TMEM108: variants seen among roughly 807,000 people sequenced by gnomAD.
TMEM108 encodes cancer/testis antigen 124.
Under a neutral mutation model 35.1 loss-of-function variants are expected in TMEM108, and 12 were observed. That is an observed-to-expected ratio of 0.34 (90% CI 0.22 to 0.55). The LOEUF (loss-of-function observed/expected upper bound fraction) is 0.55. Among genes scored for constraint, TMEM108 ranks in the 20% least tolerant of loss-of-function variants. The pLI is 0.89. For missense variants in TMEM108, 680 were observed against 753.3 expected (o/e 0.90, Z 1.14); for synonymous variants, 287 against 308.6 (o/e 0.93, Z 0.73).
intron 2 of TMEM108, among the ~76,000 whole-genome samples, chr3:133,123,641 G>A (rs1432905720): frequency 2.0e-5 from 3 of 152,130 alleles, no homozygotes; most frequent in Non-Finnish European, 4.4e-5. Flanking sequence ...ATAGGAAATG[G>A]CAATAAAAAA....
intron 2 of TMEM108, among the ~76,000 whole-genome samples, chr3:133,145,575 T>C (rs1944707249): frequency 6.6e-6 from 1 of 152,210 alleles, no homozygotes; most frequent in Non-Finnish European, 1.5e-5. Flanking sequence ...ATTTTCACGA[T>C]ATTGATTCTT....
At chr3:133,061,250 C>T (rs1299464532) in intron 2 of TMEM108, among the ~76,000 whole-genome samples, 64 of 142,256 alleles carry the variant, frequency 4.5e-4, no homozygotes, top group African/African-American at 1.5e-3. Flanking sequence ...CTCACTCTGT[C>T]GCCCAGGCTG....
At chr3:133,159,359 C>G (rs1352606214) in intron 2 of TMEM108, among the ~76,000 whole-genome samples, 7 of 152,182 alleles carry the variant, frequency 4.6e-5, no homozygotes, top group Admixed American at 2.0e-4. Flanking sequence ...ATTAATACAT[C>G]TGTCATCTGT....
intron 2 of TMEM108, among the ~76,000 whole-genome samples, chr3:133,068,908 T>A (rs1292894141): frequency 1.3e-5 from 2 of 152,096 alleles, no homozygotes; most frequent in African/African-American, 4.8e-5. Context: ...AAAGGCTTCC[T>A]GGGGCAGCTG....
At chr3:133,167,469 C>T (rs570273876) in intron 2 of TMEM108, among the ~76,000 whole-genome samples, 13 of 152,370 alleles carry the variant, frequency 8.5e-5, no homozygotes, top group Admixed American at 4.6e-4. Context: ...CAGGGAAGCT[C>T]GGGCCGTGCA....
intron 2 of TMEM108, among the ~76,000 whole-genome samples, chr3:133,224,977 C>T (rs1158192201): frequency 1.3e-5 from 2 of 151,888 alleles, no homozygotes; most frequent in Admixed American, 1.3e-4. Flanking sequence ...TCCTCAGCCT[C>T]TCTAATTTCT....
intron 2 of TMEM108, among the ~76,000 whole-genome samples, chr3:133,109,548 G>A (rs1327764727): frequency 6.6e-6 from 1 of 152,152 alleles, no homozygotes; most frequent in Admixed American, 6.5e-5. Context: ...AAAGAGAATA[G>A]GGCAAACGTT....
rs552824190 is a variant in TMEM108, at chr3:133,380,128, C to T, written c.417C>T (p.Pro139=). 6.2e-7 allele frequency: 1 copy of T among 1,613,870 alleles called. No individual in the cohort carries two copies. Among genetic ancestry groups the T allele is most frequent in the East Asian group, 2.2e-5 (1 of 44,872 alleles). ...GCCGCCCTCGAGGGCAGGCTGCCCC[C>T]ACCATCCTGCTGACAAAGCCACCGG... ...PEGRPRGQAA[P]TILLTKPPGA... is the part of the protein sequence containing the mutation. The change falls in exon 4 of 6, where the codon CCC becomes CCT. Residue 139 remains proline, a synonymous_variant. Coordinates refer to ENST00000321871, the MANE Select transcript of TMEM108 (RefSeq NM_023943.4). This position sits in a 1 kb window ranked among gnomAD's most constrained non-coding sequence, Gnocchi z 5.3.
At chr3:133,050,472 G>A (rs1943390649) in intron 2 of TMEM108, among the ~76,000 whole-genome samples, 1 of 151,978 alleles carries the variant, frequency 6.6e-6, no homozygotes, top group African/African-American at 2.4e-5. Flanking sequence ...CCACCAGAAT[G>A]GCACATTTGT....
At chr3:133,234,483 G>T (rs1946203544) in intron 3 of TMEM108, among the ~76,000 whole-genome samples, 1 of 152,134 alleles carries the variant, frequency 6.6e-6, no homozygotes, top group African/African-American at 2.4e-5. Context: ...CATATAAACA[G>T]AACCAAAGAC....
At chr3:133,300,967 GAC>G (rs919181084) in intron 3 of TMEM108, among the ~76,000 whole-genome samples, 7 of 110,358 alleles carry the variant, frequency 6.3e-5, no homozygotes, top group African/African-American at 2.3e-4. Context: ...AATTAATACA[GAC>G]CCCAGTACAC....
At chr3:133,224,211 C>T (rs988730594) in intron 2 of TMEM108, among the ~76,000 whole-genome samples, 6 of 152,216 alleles carry the variant, frequency 3.9e-5, no homozygotes, top group Middle Eastern at 3.4e-3. Context: ...ACATTCTAAA[C>T]GCTCCATAGA....
chr3:133,243,583 C>T (rs899005297), intron 3 of TMEM108, among the ~76,000 whole-genome samples: 3 of 151,886 alleles, frequency 2.0e-5, no homozygotes, highest in Non-Finnish European at 2.9e-5. Flanking sequence ...TAGAGTGGCG[C>T]GATCTCGGCT....
intron 2 of TMEM108, among the ~76,000 whole-genome samples, chr3:133,226,146 G>A (rs1946067423): frequency 6.6e-6 from 1 of 152,146 alleles, no homozygotes; most frequent in Admixed American, 6.5e-5. Flanking sequence ...TTGAAGACCT[G>A]GAATCAATAG....
intron 4 of TMEM108, among the ~76,000 whole-genome samples, chr3:133,381,914 T>G (rs149876133): frequency 2.4e-4 from 36 of 152,156 alleles, no homozygotes; most frequent in African/African-American, 8.4e-4. Context: ...ATTGTGGACC[T>G]TGTCCTTAGT....
rs1166507683 is a variant in TMEM108, at chr3:133,397,673, CAT to C, written c.*1690_*1691del. The stretch of plus-strand genomic sequence containing the variant: ...TATATAATATATGTAATCAAAGATA[CAT>C]ATGTTATATATACATATGTGGATGT... On this transcript the variant is annotated 3_prime_UTR_variant, in exon 6 of 6. Coordinates refer to ENST00000321871, the MANE Select transcript of TMEM108 (RefSeq NM_023943.4). 2.6e-5 allele frequency: 4 copies of C among 152,076 alleles called. No individual in the cohort carries two copies. The highest frequency in any genetic ancestry group is 7.2e-5 in the African/African-American group (3 of 41,424). The allele number at this position is 152,076 out of a possible 1,614,324, so 9.4% of individuals were successfully genotyped here. A position where few individuals can be genotyped will look rare whatever the true frequency, so the allele number is the denominator to read the frequency against.
Position 133,396,328 on chromosome 3 carries a change from G to GGT in TMEM108, c.*342_*343insGT, listed in dbSNP as rs3054642. 0.94 allele frequency: 145,012 copies of GGT among 153,598 alleles called. 68,725 individuals carry two copies. The highest frequency in any genetic ancestry group is 0.99 in the East Asian group (5,233 of 5,264). 9.5% of individuals were successfully genotyped at this position (153,598 alleles called of 1,614,324 possible). A position where few individuals can be genotyped will look rare whatever the true frequency, so the allele number is the denominator to read the frequency against. ...TCCTGTAGAAGCTGAATGTTACAGT[G>GGT]CAAGCGCACGATTCTTTGAGTGATT... On this transcript the variant is annotated 3_prime_UTR_variant, in exon 6 of 6. Coordinates refer to ENST00000321871, the MANE Select transcript of TMEM108 (RefSeq NM_023943.4).
At chr3:133,351,691 A>G (rs1318276386) in intron 3 of TMEM108, among the ~76,000 whole-genome samples, 2 of 152,196 alleles carry the variant, frequency 1.3e-5, no homozygotes, top group African/African-American at 2.4e-5. Context: ...AGAAGTCTTC[A>G]TAAGCCTCTA....
At chr3:133,294,954 G>T (rs1188009350) in intron 3 of TMEM108, among the ~76,000 whole-genome samples, 1 of 152,170 alleles carries the variant, frequency 6.6e-6, no homozygotes, top group Non-Finnish European at 1.5e-5. Flanking sequence ...ACCAACCTGG[G>T]AGTGTTACAG....
Sources: gnomAD v4.1 joint callset for allele counts (sites outside exome capture counted in the v4.1 genomes callset) on GRCh38, gnomAD v4.1.1 for gene constraint, Gnocchi (gnomAD v3.1) non-coding constraint, MANE v1.5 for transcripts, NCBI Gene and HGNC (gene_info 2026-07-23, HGNC 2026-07-21) for gene names.